NBAS: variants seen among roughly 807,000 people sequenced by gnomAD.
NBAS encodes the protein NBAS subunit of NRZ tethering complex.
NBAS carries 219 observed loss-of-function variants against 302.5 expected under a neutral mutation model. That is an observed-to-expected ratio of 0.72 (90% confidence interval 0.65 to 0.81). The LOEUF (loss-of-function observed/expected upper bound fraction) is 0.81. Among genes scored for constraint, NBAS ranks in the 30% least tolerant of loss-of-function variants. The pLI is 0.00. For synonymous variants in NBAS, 1,118 were observed against 1,021.6 expected (o/e 1.09, Z -1.80); for missense variants, 2,932 against 2,841.6 (o/e 1.03, Z -0.72).
chr2:15,363,237 T>C lies in NBAS; in HGVS notation c.3817+3343A>G, dbSNP rs116665268. ...CTTGCTTAGCCAATCCCCATAGTAGTAAAAGCCCATTCCTGGTAATGAAGT... is the reference window on the plus strand; with the variant it reads ...CTTGCTTAGCCAATCCCCATAGTAGCAAAAGCCCATTCCTGGTAATGAAGT... On this transcript the variant is annotated intron_variant, in intron 32 of 51. Coordinates refer to ENST00000281513, the MANE Select transcript of NBAS (RefSeq NM_015909.4). Among the ~76,000 whole-genome samples the C allele has an allele frequency of 2.9e-3, 446 of 152,318 alleles. 1 individual carries two copies. The highest frequency in any genetic ancestry group is 0.01 in the African/African-American group (417 of 41,572).
intron 48 of NBAS, among the ~76,000 whole-genome samples, chr2:15,201,582 TATTA>T (rs1231533500): frequency 6.6e-6 from 1 of 152,240 alleles, no homozygotes; most frequent in African/African-American, 2.4e-5. Context: ...CTGTTATTTT[TATTA>T]ATTATAGTCT....
chr2:15,206,870 G>A (rs189879694), intron 48 of NBAS, among the ~76,000 whole-genome samples: 21 of 152,312 alleles, frequency 1.4e-4, no homozygotes, highest in African/African-American at 4.3e-4. Context: ...CCAGGAAAAC[G>A]TCTGCTACAG....
At chr2:15,219,332 AT>A (rs1186573193) in intron 47 of NBAS, among the ~76,000 whole-genome samples, 16 of 137,338 alleles carry the variant, frequency 1.2e-4, no homozygotes, top group Admixed American at 3.7e-4. Context: ...TTTTTTTTTA[AT>A]TTTTTTTTTT....
At chr2:15,006,551 G>A in the NBAS span, among the ~76,000 whole-genome samples, 31 of 152,230 alleles carry the variant, frequency 2.0e-4, no homozygotes, top group Middle Eastern at 3.4e-3. Context: ...CTATGCTAGC[G>A]TAAAATATGA....
chr2:14,980,354 C>T, the NBAS span, among the ~76,000 whole-genome samples: 4 of 152,100 alleles, frequency 2.6e-5, no homozygotes, highest in African/African-American at 9.7e-5. Context: ...AAGCAGAGCT[C>T]AGGCAAGGCT....
chr2:15,376,317 T>C (rs1290271460), intron 30 of NBAS, among the ~76,000 whole-genome samples: 1 of 152,084 alleles, frequency 6.6e-6, no homozygotes, highest in Non-Finnish European at 1.5e-5. Context: ...TGAAGGTGTG[T>C]CCTTGCAAGA....
intron 44 of NBAS, among the ~76,000 whole-genome samples, chr2:15,241,367 T>C (rs1277931788): frequency 6.6e-6 from 1 of 152,170 alleles, no homozygotes; most frequent in African/African-American, 2.4e-5. Context: ...GGGCAGGAAG[T>C]AGGGTCCTGG....
chr2:14,918,748 G>A, the NBAS span, among the ~76,000 whole-genome samples: 1 of 152,044 alleles, frequency 6.6e-6, no homozygotes, highest in African/African-American at 2.4e-5. Context: ...GCTCACCATG[G>A]CTGCAGTGGG....
chr2:14,913,554 A>C, the NBAS span, among the ~76,000 whole-genome samples: 1 of 147,656 alleles, frequency 6.8e-6, no homozygotes, highest in African/African-American at 2.7e-5. Flanking sequence ...AGCTAAACTA[A>C]CTGAGATATT....
At chr2:14,956,942 G>A in the NBAS span, among the ~76,000 whole-genome samples, 1 of 152,122 alleles carries the variant, frequency 6.6e-6, no homozygotes, top group South Asian at 2.1e-4. Context: ...TTGCAGATAG[G>A]ATCTTTATAA....
the NBAS span, among the ~76,000 whole-genome samples, chr2:14,909,045 A>G: frequency 2.0e-5 from 3 of 152,136 alleles, no homozygotes; most frequent in Non-Finnish European, 4.4e-5. Context: ...AGAAAAGAGA[A>G]CCACTGGCCG....
chr2:15,374,496 C>T (rs1674637466), intron 31 of NBAS, 112 bp downstream of exon 31: 3 of 898,364 alleles, frequency 3.3e-6, no homozygotes, highest in African/African-American at 1.6e-5. Flanking sequence ...GGATCTATTG[C>T]TAATGGATTA....
At chr2:15,488,841 A>G in intron 12 of NBAS, 53 bp downstream of exon 12, 1 of 1,604,292 alleles carries the variant, frequency 6.2e-7, no homozygotes, top group Non-Finnish European at 8.5e-7. Context: ...TAAAATTAGT[A>G]TTGTCAATAC....
chr2:15,014,678 A>G, the NBAS span, among the ~76,000 whole-genome samples: 5 of 152,056 alleles, frequency 3.3e-5, no homozygotes, highest in Non-Finnish European at 1.5e-5. Context: ...CAAAAAAACT[A>G]TATAAAAAAC....
chr2:15,472,727 G>T (rs1376834191), intron 16 of NBAS, among the ~76,000 whole-genome samples: 2 of 152,058 alleles, frequency 1.3e-5, no homozygotes, highest in African/African-American at 4.8e-5. Context: ...TGGTCCAATG[G>T]GTCTGAATCC....
At chr2:15,419,011 A>G (rs80067842) in intron 23 of NBAS, among the ~76,000 whole-genome samples, 2,060 of 152,312 alleles carry the variant, frequency 0.014, 32 homozygotes, top group East Asian at 0.06. Context: ...GAAAATAGGC[A>G]GGCTGGTCAG....
At chr2:15,195,151 G>A (rs1665558416) in intron 48 of NBAS, among the ~76,000 whole-genome samples, 1 of 152,140 alleles carries the variant, frequency 6.6e-6, no homozygotes. Context: ...GCTATGGTTT[G>A]AATGTCCCTT....
the NBAS span, among the ~76,000 whole-genome samples, chr2:15,104,782 T>G: frequency 6.6e-6 from 1 of 152,238 alleles, no homozygotes; most frequent in Non-Finnish European, 1.5e-5. Flanking sequence ...GGTTTATATT[T>G]GCATTTCTCT....
At chr2:15,524,167 T>C (rs1651179655) in intron 9 of NBAS, among the ~76,000 whole-genome samples, 1 of 152,228 alleles carries the variant, frequency 6.6e-6, no homozygotes, top group South Asian at 2.1e-4. Flanking sequence ...CACAGATTTT[T>C]TACACAAATT....
Sources: allele counts gnomAD v4.1 joint callset (sites outside exome capture counted in the v4.1 genomes callset), GRCh38; gene constraint gnomAD v4.1.1; transcripts MANE v1.5; gene names NCBI Gene and HGNC (gene_info 2026-07-23, HGNC 2026-07-21).